Variants in MIGA2 observed in about 807,000 individuals in gnomAD.
MIGA2 encodes the protein mitoguardin 2, also known as family with sequence similarity 73, member B.
MIGA2 carries 36 observed loss-of-function variants against 69.9 expected under a neutral mutation model. The observed-to-expected ratio is 0.52, with a 90% CI of 0.39 to 0.68. MIGA2 has a LOEUF of 0.68. Among genes scored for constraint, MIGA2 ranks in the 30% least tolerant of loss-of-function variants. MIGA2 has a pLI of 0.00. For missense variants in MIGA2, 660 were observed against 787.7 expected, an observed-to-expected ratio of 0.84 and a Z score of 1.94; for synonymous variants, 333 against 349.2, an observed-to-expected ratio of 0.95 and a Z score of 0.52.
rs1564622702 is a variant in MIGA2, at chr9:129,069,645, C to G, written c.1459-204C>G. ...GGAGCCACTATGGCCCCACCTCTTG[C>G]AGTACTCACAGCGGCCCATGGTTAC... On this transcript the variant is annotated intron_variant, in intron 14 of 15. Transcript: ENST00000684074. This position sits in a 1 kb window ranked among gnomAD's most constrained non-coding sequence, Gnocchi z 4.9. 1 of 601,034 alleles carries G rather than the reference C, an allele frequency of 1.7e-6. No individual in the cohort carries two copies. The highest frequency in any genetic ancestry group is 3.0e-6 in the Non-Finnish European group (1 of 333,560). 37.2% of individuals were successfully genotyped at this position (601,034 alleles called of 1,614,324 possible).
intron 11 of MIGA2, 40 bp downstream of exon 11, chr9:129,063,671 A>G: frequency 6.2e-7 from 1 of 1,605,474 alleles, no homozygotes; most frequent in Non-Finnish European, 8.5e-7. Flanking sequence ...TATAAAATGC[A>G]AACCACAGAG....
At chr9:129,040,779 T>G (rs1564598856) in intron 2 of MIGA2, 89 bp downstream of exon 2, 3 of 1,226,696 alleles carry the variant, frequency 2.4e-6, no homozygotes, top group Non-Finnish European at 3.4e-6. Context: ...CGCTGAGCCC[T>G]CGTTCTTGCT....
chr9:129,046,784 T>C (rs1845247086), intron 3 of MIGA2, among the ~76,000 whole-genome samples: 1 of 151,760 alleles, frequency 6.6e-6, no homozygotes, highest in South Asian at 2.1e-4. Flanking sequence ...TAATTTTTAT[T>C]TACTTTTTTT....
chr9:129,044,302 T>C (rs79556854), intron 3 of MIGA2, among the ~76,000 whole-genome samples: 2,709 of 151,880 alleles, frequency 0.018, 120 homozygotes, highest in Admixed American at 0.092. Context: ...CTTCTTCTAC[T>C]CTTTTTCCCA....
At chr9:129,051,280 ATTTAT>A in intron 6 of MIGA2, 2 of 174,668 alleles carry the variant, frequency 1.1e-5, no homozygotes, top group Non-Finnish European at 2.2e-5. Context: ...TTATTTATTT[ATTTAT>A]TTTTTTTTTT....
At chr9:129,067,119 G>C (rs1327478988) in intron 11 of MIGA2, among the ~76,000 whole-genome samples, 1 of 140,520 alleles carries the variant, frequency 7.1e-6, no homozygotes, top group Non-Finnish European at 1.5e-5. Flanking sequence ...CTAGGTGACA[G>C]AGCGAGACTC....
At position 129,060,380 on chromosome 9, in the gene MIGA2, C is replaced by T. The variant is rs898684589; in HGVS notation, c.794-170C>T. ...TCACTCACTGAGGCGAGGAGTCCAG[C>T]GTCCTCACACAGAAGCGCTTGGCAC... On this transcript the variant is annotated intron_variant, in intron 7 of 15. Transcript: ENST00000684074. This position sits in a 1 kb window ranked among gnomAD's most constrained non-coding sequence, Gnocchi z 4.8. 4 of 582,580 alleles carry T rather than the reference C, an allele frequency of 6.9e-6. No homozygotes were observed. The highest frequency in any genetic ancestry group is 3.2e-5 in the Admixed American group (1 of 31,544). 36.1% of individuals were successfully genotyped at this position (582,580 alleles called of 1,614,324 possible).
chr9:129,037,619 C>G (rs1208937969), intron 1 of MIGA2, among the ~76,000 whole-genome samples: 1 of 152,118 alleles, frequency 6.6e-6, no homozygotes, highest in South Asian at 2.1e-4. Context: ...GATGTTACCT[C>G]GCACCTGCAG....
chr9:129,069,881 C>G lies in MIGA2; in HGVS notation c.1491C>G (p.Ser497=). The G allele has an allele frequency of 6.2e-7, 1 of 1,613,932 alleles. No individual in the cohort carries two copies. The highest frequency in any genetic ancestry group is 8.5e-7 in the Non-Finnish European group (1 of 1,179,996). Residue 497 remains serine, a synonymous_variant, in exon 15 of 16, where the codon TCC becomes TCG. Transcript: ENST00000684074. This position sits in a 1 kb window ranked among gnomAD's most constrained non-coding sequence, Gnocchi z 4.9. ...ATGGCTTCATCTCCCATTTCTACTC[C>G]GTATCGGAGCATGTGAGCCCTGTCC... is the stretch of plus-strand genomic sequence containing the variant. ...VPDGFISHFY[S]VSEHVSPVLA... is the part of the protein sequence containing the mutation.
intron 6 of MIGA2, among the ~76,000 whole-genome samples, chr9:129,055,280 G>A (rs1348975248): frequency 1.3e-5 from 2 of 151,760 alleles, no homozygotes; most frequent in Non-Finnish European, 2.9e-5. Context: ...GTTTCTGCGT[G>A]TTGGCTAGGC....
chr9:129,063,655 G>GGGGGGGGGGGGGGGGCCC, intron 11 of MIGA2, 24 bp downstream of exon 11: 3 of 645,722 alleles, frequency 4.6e-6, no homozygotes, highest in Non-Finnish European at 8.7e-6. Context: ...GGGTGGGGGG[G>GGGGGGGGGGGGGGGGCCC]CAAATTATAA....
intron 1 of MIGA2, among the ~76,000 whole-genome samples, chr9:129,039,183 GT>G (rs1844761897): frequency 1.6e-5 from 2 of 123,474 alleles, no homozygotes; most frequent in African/African-American, 7.4e-5. Context: ...GTTTGTGTGT[GT>G]GTGTGTGTGT....
In MIGA2 at chr9:129,039,234, AT is replaced by A. The variant is rs1329990073; in HGVS notation, c.-143-1211del. The stretch of plus-strand genomic sequence containing the variant: ...GTGTGTGTGTGTTTTATTTTATTTT[AT>A]TTTTTTGTTTTTTATTTATTTATTT... On this transcript the variant is annotated intron_variant, in intron 1 of 15. Coordinates refer to ENST00000684074, the MANE Select transcript of MIGA2 (RefSeq NM_001329990.2). 3.4e-5 allele frequency among the ~76,000 whole-genome samples: 4 copies of A among 116,904 alleles called. No individual in the cohort carries two copies. In the East Asian group the frequency reaches 9.4e-4, roughly 28 times the overall value. 76.7% of individuals were successfully genotyped at this position (116,904 alleles called of 152,430 possible). A position where few individuals can be genotyped will look rare whatever the true frequency, so the allele number is the denominator to read the frequency against.
rs1424683095 is a variant in MIGA2 at position 129,061,569 on chromosome 9, G to T, written c.1010+223G>T. ...GATACCAATAATGACAGTAACAAAT[G>T]AACATAATTAATAAAGAACAATAGT... On this transcript the variant is annotated intron_variant, in intron 9 of 15. Coordinates refer to ENST00000684074, the MANE Select transcript of MIGA2 (RefSeq NM_001329990.2). The surrounding 1 kb of genome is among the most constrained non-coding windows in gnomAD (Gnocchi z 5.0). Among the ~76,000 whole-genome samples, 1 of 152,004 alleles carries T rather than the reference G, an allele frequency of 6.6e-6. No individual in the cohort carries two copies. Among genetic ancestry groups the T allele is most frequent in the African/African-American group, 2.4e-5 (1 of 41,372 alleles).
rs964741899 is a variant in MIGA2 at position 129,056,649 on chromosome 9, G to A, written c.676-2505G>A. 2.6e-5 allele frequency among the ~76,000 whole-genome samples: 4 copies of A among 151,760 alleles called. No homozygotes were observed. In the South Asian group the frequency reaches 8.3e-4, roughly 32 times the overall value. On this transcript the variant is annotated intron_variant, in intron 6 of 15. Coordinates refer to ENST00000684074, the MANE Select transcript of MIGA2 (RefSeq NM_001329990.2). ...TTCTCCTGCCTCAGTCTCCCAAGTC[G>A]CTGGAATTACAGGCGCACACCACCA... is the stretch of plus-strand genomic sequence containing the variant.
Position 129,069,583 on chromosome 9 carries a change from C to G in MIGA2, c.1459-266C>G. The G allele has an allele frequency of 1.8e-6, 1 of 551,906 alleles. No homozygotes were observed. The highest frequency in any genetic ancestry group is 2.0e-5 in the South Asian group (1 of 49,920). The allele number at this position is 551,906 out of a possible 1,614,324, so 34.2% of individuals were successfully genotyped here. On this transcript the variant is annotated intron_variant, in intron 14 of 15. Transcript: ENST00000684074. This position sits in a 1 kb window ranked among gnomAD's most constrained non-coding sequence, Gnocchi z 4.9. ...GCCAGGCTCTGTTGCCTAGCTGATA[C>G]CAGCTGCCGTGGCCACGTGCTCCAG...
At chr9:129,067,172 C>T (rs1305307905) in intron 11 of MIGA2, among the ~76,000 whole-genome samples, 1 of 151,492 alleles carries the variant, frequency 6.6e-6, no homozygotes, top group Admixed American at 6.6e-5. Flanking sequence ...CGAGTTAATC[C>T]ACTCTGAGAA....
chr9:129,069,319 C>A lies in MIGA2; in HGVS notation c.1458+190C>A. 1 of 667,894 alleles carries A rather than the reference C, an allele frequency of 1.5e-6. No individual in the cohort carries two copies. The highest frequency in any genetic ancestry group is 2.6e-6 in the Non-Finnish European group (1 of 380,630). The allele number at this position is 667,894 out of a possible 1,614,324, so 41.4% of individuals were successfully genotyped here. A position where few individuals can be genotyped will look rare whatever the true frequency, so the allele number is the denominator to read the frequency against. Reference sequence around the variant, plus strand: ...AGGCTCGTGTAGACCCACTTCCTCTCCTCCCCAGGCCCAGCACAGAGCAGG... The same window carrying A: ...AGGCTCGTGTAGACCCACTTCCTCTACTCCCCAGGCCCAGCACAGAGCAGG... On this transcript the variant is annotated intron_variant, in intron 14 of 15. Transcript: ENST00000684074. The surrounding 1 kb of genome is among the most constrained non-coding windows in gnomAD (Gnocchi z 4.9).
rs757609543 is a variant in MIGA2 at position 129,063,528 on chromosome 9, C to G, written c.1084-17C>G. On this transcript the variant is annotated splice_polypyrimidine_tract_variant and intron_variant, in intron 10 of 15. Coordinates refer to ENST00000684074, the MANE Select transcript of MIGA2 (RefSeq NM_001329990.2). ...CCGTGCCCGGCAGCTCACTCCCCTC[C>G]CTTCCTCCTTCCCTAGGGGCTTCTG... 19 of 1,613,358 alleles carry G rather than the reference C, an allele frequency of 1.2e-5. No individual in the cohort carries two copies. The highest frequency in any genetic ancestry group is 1.5e-5 in the Non-Finnish European group (18 of 1,179,578).
Sources: allele counts gnomAD v4.1 joint callset (sites outside exome capture counted in the v4.1 genomes callset), GRCh38; gene constraint gnomAD v4.1.1; non-coding constraint Gnocchi (gnomAD v3.1); transcripts MANE v1.5; gene names NCBI Gene and HGNC (gene_info 2026-07-23, HGNC 2026-07-21).